Variants in COLGALT2 observed in about 807,000 individuals in gnomAD.
COLGALT2 encodes the protein procollagen galactosyltransferase 2.
COLGALT2 carries 49 observed loss-of-function variants against 73.4 expected under a neutral mutation model. The observed-to-expected ratio is 0.67, with a 90% confidence interval of 0.53 to 0.85. COLGALT2 has a LOEUF of 0.85. COLGALT2 is among the 40% of genes least tolerant of loss of function. COLGALT2 has a pLI of 0.00. For missense variants in COLGALT2, 722 were observed against 790.2 expected (o/e 0.91, Z 1.03); for synonymous variants, 295 against 307.6 (o/e 0.96, Z 0.43).
chr1:183,954,727 G>T, intron 7 of COLGALT2, 35 bp downstream of exon 7: 1 of 1,448,912 alleles, frequency 6.9e-7, no homozygotes, highest in Non-Finnish European at 9.7e-7. Context: ...CTGCACACGC[G>T]TGCATGTGCA....
At chr1:183,963,292 T>C (rs566600082) in intron 6 of COLGALT2, among the ~76,000 whole-genome samples, 2 of 152,324 alleles carry the variant, frequency 1.3e-5, no homozygotes, top group Non-Finnish European at 2.9e-5. Context: ...TAACATCTCA[T>C]TGTTTTTCAT....
intron 5 of COLGALT2, chr1:183,964,230 T>C (rs1251320628): frequency 6.3e-6 from 3 of 475,546 alleles, no homozygotes; most frequent in Non-Finnish European, 1.1e-5. Context: ...CACTCGGCTA[T>C]TCTTCAGCCC....
At chr1:184,007,127 G>T (rs1028863998) in intron 1 of COLGALT2, among the ~76,000 whole-genome samples, 10 of 152,180 alleles carry the variant, frequency 6.6e-5, no homozygotes, top group Admixed American at 1.3e-4. Flanking sequence ...TGGCTTAGAA[G>T]AAAATCCTAG....
In COLGALT2 at chr1:183,939,045, C is replaced by T; in HGVS notation, c.1605-8G>A. 6.2e-7 allele frequency: 1 copy of T among 1,605,284 alleles called. No homozygotes were observed. The highest frequency in any genetic ancestry group is 1.1e-5 in the South Asian group (1 of 90,832). On this transcript the variant is annotated splice_region_variant and splice_polypyrimidine_tract_variant and intron_variant, in intron 11 of 11. Transcript: ENST00000361927. Reference sequence around the variant, plus strand: ...TACTCCTTGTACTCGGCTCTGAAAACAAGAAGGTGGCCGGACACATGAGGG... The same window carrying T: ...TACTCCTTGTACTCGGCTCTGAAAATAAGAAGGTGGCCGGACACATGAGGG...
At chr1:183,940,452 C>A in intron 11 of COLGALT2, 129 bp downstream of exon 11, 1 of 869,602 alleles carries the variant, frequency 1.1e-6, no homozygotes, top group Non-Finnish European at 1.9e-6. Flanking sequence ...CTCTCTTAAT[C>A]ATAATTATGA....
intron 1 of COLGALT2, among the ~76,000 whole-genome samples, chr1:184,031,345 A>T (rs1649504215): frequency 6.6e-6 from 1 of 152,216 alleles, no homozygotes; most frequent in Non-Finnish European, 1.5e-5. Context: ...ATTTATGTAC[A>T]ACCCACATTT....
At chr1:183,977,975 T>C (rs897808714) in intron 2 of COLGALT2, among the ~76,000 whole-genome samples, 1 of 152,126 alleles carries the variant, frequency 6.6e-6, no homozygotes, top group Non-Finnish European at 1.5e-5. Flanking sequence ...TAAATGCACA[T>C]ACAACAGTGA....
intron 1 of COLGALT2, among the ~76,000 whole-genome samples, chr1:184,022,824 C>T (rs1229792610): frequency 6.6e-6 from 1 of 152,214 alleles, no homozygotes; most frequent in Non-Finnish European, 1.5e-5. Context: ...AGTGAAAACT[C>T]ATTAGGGCAT....
At chr1:184,023,558 T>A (rs1649237712) in intron 1 of COLGALT2, among the ~76,000 whole-genome samples, 1 of 151,086 alleles carries the variant, frequency 6.6e-6, no homozygotes, top group African/African-American at 2.4e-5. Context: ...CAGTAACTTT[T>A]GCAAATAACA....
chr1:183,990,523 T>C (rs751326446), intron 1 of COLGALT2, among the ~76,000 whole-genome samples: 6 of 152,166 alleles, frequency 3.9e-5, no homozygotes, highest in African/African-American at 7.2e-5. Context: ...GGTATGACAT[T>C]GTTGACGATG....
At position 183,940,711 on chromosome 1, in the gene COLGALT2, C is replaced by T. The variant is rs150924368; in HGVS notation, c.1474G>A (p.Asp492Asn). 49 of 1,614,094 alleles carry T rather than the reference C, an allele frequency of 3.0e-5. No individual in the cohort carries two copies. Among genetic ancestry groups the T allele is most frequent in the Middle Eastern group, 3.3e-4 (2 of 6,084 alleles). Residue 492 changes from aspartate to asparagine, a missense_variant, in exon 11 of 12, where the codon GAC becomes AAC. Transcript: ENST00000361927. ...TAGCCCAGGGTCCAGTAGGAATAGT[C>T]GGCTTCGACCAGGTTTGCCACATTG... ...VPNVANLVEA[D>N]YSYWTLGYVI... is the part of the protein sequence containing the mutation.
At chr1:184,016,980 G>A (rs1331151999) in intron 1 of COLGALT2, among the ~76,000 whole-genome samples, 1 of 152,164 alleles carries the variant, frequency 6.6e-6, no homozygotes, top group East Asian at 1.9e-4. Context: ...TTTACTAACA[G>A]TTTAGAAAAG....
At chr1:183,992,350 C>T (rs1671651902) in intron 1 of COLGALT2, among the ~76,000 whole-genome samples, 1 of 152,164 alleles carries the variant, frequency 6.6e-6, no homozygotes, top group Non-Finnish European at 1.5e-5. Flanking sequence ...GAAGGAAATA[C>T]TTTTAAAGAT....
chr1:183,938,008 G>A lies in COLGALT2; in HGVS notation c.*753C>T, dbSNP rs1475460675. 7 of 985,210 alleles carry A rather than the reference G, an allele frequency of 7.1e-6. No individual in the cohort carries two copies. Among genetic ancestry groups the A allele is most frequent in the Non-Finnish European group, 8.4e-6 (7 of 829,948 alleles). The allele number at this position is 985,210 out of a possible 1,614,324, so 61.0% of individuals were successfully genotyped here. A position where few individuals can be genotyped will look rare whatever the true frequency, so the allele number is the denominator to read the frequency against. Reference sequence around the variant, plus strand: ...TAAATAGAGCATCCTGACTCGAGTGGCCATAATAAAAAAGCCAAACATTGA... The same window carrying A: ...TAAATAGAGCATCCTGACTCGAGTGACCATAATAAAAAAGCCAAACATTGA... On this transcript the variant is annotated 3_prime_UTR_variant, in exon 12 of 12. Transcript: ENST00000361927.
At position 184,025,040 on chromosome 1, in the gene COLGALT2, A is replaced by C. The variant is rs530666726; in HGVS notation, c.263+12055T>G. On this transcript the variant is annotated intron_variant, in intron 1 of 11. Transcript: ENST00000361927. ...AGGGAGTTACTGCCCTTTCCACTTT[A>C]GACAAACACCAGCAGTTCCCCTTTA... Among the ~76,000 whole-genome samples, 282 of 152,348 alleles carry C rather than the reference A, an allele frequency of 1.9e-3. 3 individuals are homozygous for C. Among genetic ancestry groups the C allele is most frequent in the African/African-American group, 6.5e-3 (270 of 41,588 alleles).
chr1:184,001,601 T>C (rs986327191), intron 1 of COLGALT2, among the ~76,000 whole-genome samples: 5 of 152,238 alleles, frequency 3.3e-5, no homozygotes, highest in African/African-American at 1.2e-4. Flanking sequence ...GTTCTTATGA[T>C]GTACTTAAAG....
At chr1:184,021,930 T>C (rs1410613811) in intron 1 of COLGALT2, among the ~76,000 whole-genome samples, 1 of 152,212 alleles carries the variant, frequency 6.6e-6, no homozygotes, top group African/African-American at 2.4e-5. Flanking sequence ...CAATGACATA[T>C]GCAATTCTTC....
intron 10 of COLGALT2, among the ~76,000 whole-genome samples, chr1:183,942,035 G>C (rs61824786): frequency 6.6e-6 from 1 of 150,918 alleles, no homozygotes; most frequent in Non-Finnish European, 1.5e-5. Context: ...TGTAAGCTCC[G>C]CCTCCTGGGT....
intron 4 of COLGALT2, among the ~76,000 whole-genome samples, chr1:183,970,517 A>T (rs1558319456): frequency 6.6e-6 from 1 of 152,180 alleles, no homozygotes; most frequent in African/African-American, 2.4e-5. Flanking sequence ...CTTCTCTGAC[A>T]TTCCCTTCAG....
Sources: allele counts gnomAD v4.1 joint callset (sites outside exome capture counted in the v4.1 genomes callset), GRCh38; gene constraint gnomAD v4.1.1; transcripts MANE v1.5; gene names NCBI Gene and HGNC (gene_info 2026-07-23, HGNC 2026-07-21).